DNAJC27: variants seen among roughly 807,000 people sequenced by gnomAD.
DNAJC27 encodes dnaJ homolog subfamily C member 27.
Under a neutral mutation model 31.4 loss-of-function variants are expected in DNAJC27, and 25 were observed. The observed-to-expected ratio is 0.80, with a 90% CI of 0.58 to 1.11. The LOEUF is 1.11. Among genes scored for constraint, DNAJC27 ranks in the 50% most tolerant of loss-of-function variants. The pLI is 0.00. For synonymous variants in DNAJC27, 106 were observed against 112.7 expected, an observed-to-expected ratio of 0.94 and a Z score of 0.37; for missense variants, 356 against 347.3, an observed-to-expected ratio of 1.02 and a Z score of -0.20.
chr2:24,961,706 G>A (rs1253671878), intron 3 of DNAJC27, among the ~76,000 whole-genome samples: 2 of 152,130 alleles, frequency 1.3e-5, no homozygotes, highest in Non-Finnish European at 2.9e-5. Flanking sequence ...GTGGAAATAG[G>A]AAGAGAACTA....
At chr2:24,957,571 C>CA (rs909915008) in intron 4 of DNAJC27, among the ~76,000 whole-genome samples, 9 of 151,924 alleles carry the variant, frequency 5.9e-5, no homozygotes, top group African/African-American at 2.2e-4. Context: ...TGCTCCCACT[C>CA]AGTCACCAAC....
At chr2:24,967,556 C>T (rs1233862746) in intron 1 of DNAJC27, among the ~76,000 whole-genome samples, 6 of 151,996 alleles carry the variant, frequency 3.9e-5, no homozygotes, top group Non-Finnish European at 8.8e-5. Context: ...AAAAATCAGC[C>T]GGGCATGGTG....
chr2:24,953,584 C>CT (rs940715814), intron 5 of DNAJC27: 3,860 of 372,650 alleles, frequency 0.01, no homozygotes, highest in Non-Finnish European at 0.012. Flanking sequence ...TTCTTGTTAG[C>CT]TTTTTTTTTT....
intron 5 of DNAJC27, among the ~76,000 whole-genome samples, chr2:24,952,487 C>T (rs1665800445): frequency 6.6e-6 from 1 of 152,040 alleles, no homozygotes; most frequent in Non-Finnish European, 1.5e-5. Context: ...TTTGTGTAAC[C>T]AACTCTCTAT....
chr2:24,949,654 T>C (rs887142860), intron 6 of DNAJC27, among the ~76,000 whole-genome samples: 2 of 152,238 alleles, frequency 1.3e-5, no homozygotes, highest in South Asian at 4.1e-4. Flanking sequence ...GAGAAGCACA[T>C]GTTTCTATTG....
At chr2:24,949,652 C>T (rs182666472) in intron 6 of DNAJC27, among the ~76,000 whole-genome samples, 187 of 152,248 alleles carry the variant, frequency 1.2e-3, no homozygotes, top group Non-Finnish European at 1.9e-3. Context: ...AAGAGAAGCA[C>T]ATGTTTCTAT....
chr2:24,971,181 G>A (rs1360766547), intron 1 of DNAJC27, among the ~76,000 whole-genome samples: 1 of 152,174 alleles, frequency 6.6e-6, no homozygotes, highest in East Asian at 1.9e-4. Flanking sequence ...ACGTACTAAA[G>A]GAGAGTTTAT....
At chr2:24,961,168 A>G (rs1666030675) in intron 3 of DNAJC27, among the ~76,000 whole-genome samples, 1 of 152,226 alleles carries the variant, frequency 6.6e-6, no homozygotes, top group Admixed American at 6.5e-5. Context: ...AGGGCCCTTA[A>G]GAATTATGCT....
At chr2:24,950,880 TAC>T (rs1665758520) in intron 6 of DNAJC27, among the ~76,000 whole-genome samples, 1 of 151,036 alleles carries the variant, frequency 6.6e-6, no homozygotes, top group African/African-American at 2.4e-5. Flanking sequence ...AATAAACAAA[TAC>T]ACACACAGAT....
chr2:24,968,663 G>A (rs1379425955), intron 1 of DNAJC27, among the ~76,000 whole-genome samples: 1 of 151,986 alleles, frequency 6.6e-6, no homozygotes, highest in Non-Finnish European at 1.5e-5. Context: ...TTTGAGAAAG[G>A]AATGTAATAG....
At chr2:24,966,425 T>C (rs539444572) in intron 2 of DNAJC27, among the ~76,000 whole-genome samples, 10 of 152,090 alleles carry the variant, frequency 6.6e-5, no homozygotes, top group African/African-American at 2.4e-4. Flanking sequence ...TCCAGATAAA[T>C]CCCCAATTGG....
chr2:24,970,553 C>G (rs969553098), intron 1 of DNAJC27, among the ~76,000 whole-genome samples: 1 of 150,810 alleles, frequency 6.6e-6, no homozygotes, highest in African/African-American at 2.4e-5. Context: ...CAGCCTCTGC[C>G]TCCCCGGCTT....
Position 24,951,705 on chromosome 2 carries a change from T to C in DNAJC27, c.529-151A>G, listed in dbSNP as rs143558059. On this transcript the variant is annotated intron_variant, in intron 5 of 6. Transcript: ENST00000264711. ...ACACACTTTGGAAGATTTTTTTCTTTTATACTATTTAAATATATATATTCA... is the reference window on the plus strand; with the variant it reads ...ACACACTTTGGAAGATTTTTTTCTTCTATACTATTTAAATATATATATTCA... 1,421 of 407,038 alleles carry C rather than the reference T, an allele frequency of 3.5e-3. 4 individuals are homozygous for C. Among genetic ancestry groups the C allele is most frequent in the Non-Finnish European group, 3.3e-3 (804 of 241,652 alleles). The allele number at this position is 407,038 out of a possible 1,614,324, so 25.2% of individuals were successfully genotyped here.
At chr2:24,959,292 C>G (rs567786198) in intron 3 of DNAJC27, among the ~76,000 whole-genome samples, 1 of 152,272 alleles carries the variant, frequency 6.6e-6, no homozygotes, top group South Asian at 2.1e-4. Context: ...CACCAAAATC[C>G]CCCAAATCCT....
At chr2:24,953,522 C>G in intron 5 of DNAJC27, 1 of 236,412 alleles carries the variant, frequency 4.2e-6, no homozygotes, top group African/African-American at 2.3e-5. Flanking sequence ...ATTGAACCAG[C>G]AGGAAAGCAC....
intron 5 of DNAJC27, among the ~76,000 whole-genome samples, chr2:24,951,837 G>C (rs1034892159): frequency 5.3e-5 from 8 of 152,238 alleles, no homozygotes; most frequent in African/African-American, 1.9e-4. Flanking sequence ...GGCAGGGCAT[G>C]GTGGCTCACA....
At chr2:24,954,774 A>G (rs184960648) in intron 5 of DNAJC27, among the ~76,000 whole-genome samples, 114 of 152,220 alleles carry the variant, frequency 7.5e-4, no homozygotes, top group Non-Finnish European at 9.6e-4. Context: ...TGTCTCTACT[A>G]AAAATACAAA....
chr2:24,965,781 C>T (rs1025770345), intron 2 of DNAJC27, among the ~76,000 whole-genome samples: 5 of 152,122 alleles, frequency 3.3e-5, no homozygotes, highest in East Asian at 1.9e-4. Context: ...TTCACCTAAT[C>T]GACATTCTGC....
At chr2:24,951,801 C>T (rs148623347) in intron 5 of DNAJC27, among the ~76,000 whole-genome samples, 120 of 152,042 alleles carry the variant, frequency 7.9e-4, no homozygotes, top group Admixed American at 2.0e-3. Flanking sequence ...CAGATAACCA[C>T]AATTGAAGTT....
Sources: gnomAD v4.1 joint callset for allele counts (sites outside exome capture counted in the v4.1 genomes callset) on GRCh38, gnomAD v4.1.1 for gene constraint, MANE v1.5 for transcripts, NCBI Gene and HGNC (gene_info 2026-07-23, HGNC 2026-07-21) for gene names.